Variants in CELF2 observed in about 807,000 individuals in gnomAD.
The protein encoded by CELF2 is CUGBP Elav-like family member 2.
A neutral mutation model predicts 62.6 loss-of-function variants in CELF2; 8 were observed. The ratio of observed to expected loss-of-function variants is 0.13; its 90% CI spans 0.07 to 0.23. CELF2 has a LOEUF of 0.23. CELF2 is among the 10% of genes least tolerant of loss of function. CELF2 has a pLI of 1.00. For synonymous variants in CELF2, 258 were observed against 250.0 expected (o/e 1.03, Z -0.30); for missense variants, 333 against 671.0 (o/e 0.50, Z 5.56).
chr10:11,319,956 T>G lies in CELF2; in HGVS notation c.1097-1233T>G. ...TGTTTCCAGGCAGCCTTACCTTAGC[T>G]GTCCTCCATTCTCATTAGACTTCTT... On this transcript the variant is annotated intron_variant, in intron 10 of 12. Transcript: ENST00000633077. This position sits in a 1 kb window ranked among gnomAD's most constrained non-coding sequence, Gnocchi z 4.4. 1 of 457,310 alleles carries G rather than the reference T, an allele frequency of 2.2e-6. No individual in the cohort carries two copies. Among genetic ancestry groups the G allele is most frequent in the Non-Finnish European group, 4.5e-6 (1 of 221,426 alleles). The allele number at this position is 457,310 out of a possible 1,614,324, so 28.3% of individuals were successfully genotyped here.
intron 1 of CELF2, among the ~76,000 whole-genome samples, chr10:11,077,180 A>T (rs2072257650): frequency 3.9e-5 from 6 of 152,224 alleles, no homozygotes; most frequent in Admixed American, 3.9e-4. Context: ...TATCATTATA[A>T]ATACCAGATT....
chr10:10,506,556 G>C, the CELF2 span, among the ~76,000 whole-genome samples: 1 of 151,672 alleles, frequency 6.6e-6, no homozygotes, highest in Non-Finnish European at 1.5e-5. Flanking sequence ...AAAGAGCAGA[G>C]GCTCTAGAAC....
chr10:11,298,764 T>C (rs1029253108), intron 9 of CELF2, among the ~76,000 whole-genome samples: 1 of 152,196 alleles, frequency 6.6e-6, no homozygotes, highest in Non-Finnish European at 1.5e-5. Flanking sequence ...TTAAGTATCA[T>C]ATATGGGAAA....
intron 3 of CELF2, among the ~76,000 whole-genome samples, chr10:11,238,763 T>C (rs1040460244): frequency 2.0e-5 from 3 of 152,212 alleles, no homozygotes; most frequent in Non-Finnish European, 4.4e-5. Flanking sequence ...AAGATTGCCA[T>C]TTTTTTGAGT....
chr10:10,494,197 C>G, the CELF2 span, among the ~76,000 whole-genome samples: 1 of 152,234 alleles, frequency 6.6e-6, no homozygotes, highest in South Asian at 2.1e-4. Context: ...AGGAATCACT[C>G]TCTCTCCAGT....
chr10:10,602,257 C>A, the CELF2 span, among the ~76,000 whole-genome samples: 2 of 152,080 alleles, frequency 1.3e-5, no homozygotes, highest in South Asian at 2.1e-4. Context: ...CAGCTGTACC[C>A]ACTGAGATAG....
chr10:10,857,049 A>G (rs2059757853), intron 1 of CELF2, among the ~76,000 whole-genome samples: 1 of 152,142 alleles, frequency 6.6e-6, no homozygotes, highest in Non-Finnish European at 1.5e-5. Flanking sequence ...CCTTCTGGAC[A>G]ACAGCAAAGG....
intron 9 of CELF2, among the ~76,000 whole-genome samples, chr10:11,293,504 G>C (rs750121632): frequency 1.5e-4 from 23 of 152,242 alleles, no homozygotes; most frequent in Non-Finnish European, 3.1e-4. Flanking sequence ...GGGCAGTGCA[G>C]AGGTTCCTGA....
chr10:10,922,010 A>G (rs1318754661), intron 2 of CELF2, among the ~76,000 whole-genome samples: 3 of 152,168 alleles, frequency 2.0e-5, no homozygotes, highest in Admixed American at 6.5e-5. Flanking sequence ...AGCACTGGAG[A>G]ACAGGGGAAA....
chr10:11,325,816 AC>A lies in CELF2; in HGVS notation c.1295-19del, dbSNP rs1305621479. 1.3e-6 allele frequency: 2 copies of A among 1,569,056 alleles called. No individual in the cohort carries two copies. The highest frequency in any genetic ancestry group is 1.7e-6 in the Non-Finnish European group (2 of 1,162,798). On this transcript the variant is annotated intron_variant, in intron 11 of 12. Coordinates refer to ENST00000633077, the MANE Select transcript of CELF2 (RefSeq NM_001326342.2). ...AAGACTCAAGGGATACCTTACTCTG[AC>A]TTTTTTTTTCCTCCTTAGGTCCAGA...
the CELF2 span, among the ~76,000 whole-genome samples, chr10:10,646,517 G>T: frequency 6.6e-6 from 1 of 152,122 alleles, no homozygotes; most frequent in Non-Finnish European, 1.5e-5. Flanking sequence ...CTGTTCCATT[G>T]CTACAACACT....
intron 4 of CELF2, among the ~76,000 whole-genome samples, chr10:11,252,195 A>G (rs572718749): frequency 1.1e-4 from 17 of 152,356 alleles, no homozygotes; most frequent in African/African-American, 3.8e-4. Context: ...GCGAGTGATA[A>G]AAGCCACAAG....
rs1238944073 is a variant in CELF2, at chr10:11,314,873, T to C, written c.1096+615T>C. Reference sequence around the variant, plus strand: ...CTGGCAGTGACATGATCAGAATCTTTATTAAGCACCCACAGGTATGGGTCA... The same window carrying C: ...CTGGCAGTGACATGATCAGAATCTTCATTAAGCACCCACAGGTATGGGTCA... On this transcript the variant is annotated intron_variant, in intron 10 of 12. Coordinates refer to ENST00000633077, the MANE Select transcript of CELF2 (RefSeq NM_001326342.2). This position sits in a 1 kb window ranked among gnomAD's most constrained non-coding sequence, Gnocchi z 5.3. 1 of 173,844 alleles carries C rather than the reference T, an allele frequency of 5.8e-6. No homozygotes were observed. Among genetic ancestry groups the C allele is most frequent in the Non-Finnish European group, 1.2e-5 (1 of 81,842 alleles). 10.8% of individuals were successfully genotyped at this position (173,844 alleles called of 1,614,324 possible). A position where few individuals can be genotyped will look rare whatever the true frequency, so the allele number is the denominator to read the frequency against.
the CELF2 span, among the ~76,000 whole-genome samples, chr10:10,678,719 G>A: frequency 6.6e-6 from 1 of 152,192 alleles, no homozygotes; most frequent in Non-Finnish European, 1.5e-5. Flanking sequence ...TAAGCACACA[G>A]CATTCCCAGA....
chr10:10,591,310 G>A, the CELF2 span, among the ~76,000 whole-genome samples: 1 of 152,222 alleles, frequency 6.6e-6, no homozygotes, highest in Admixed American at 6.5e-5. Context: ...GTGTAACAGT[G>A]TATCCACTCT....
the CELF2 span, among the ~76,000 whole-genome samples, chr10:10,466,658 C>T: frequency 6.6e-6 from 1 of 152,174 alleles, no homozygotes; most frequent in South Asian, 2.1e-4. Context: ...ACATTTGATA[C>T]TTTCTCCCGC....
At position 11,300,826 on chromosome 10, in the gene CELF2, C is replaced by T. The variant is rs1010463509; in HGVS notation, c.976+12274C>T. Among the ~76,000 whole-genome samples, 2 of 152,126 alleles carry T rather than the reference C, an allele frequency of 1.3e-5. No homozygotes were observed. The highest frequency in any genetic ancestry group is 2.9e-5 in the Non-Finnish European group (2 of 68,026). On this transcript the variant is annotated intron_variant, in intron 9 of 12. Coordinates refer to ENST00000633077, the MANE Select transcript of CELF2 (RefSeq NM_001326342.2). This position sits in a 1 kb window ranked among gnomAD's most constrained non-coding sequence, Gnocchi z 5.5. ...ATGTTTGGTCAATGCAGGCGATTTT[C>T]TCCGTGTTTACAATGATTTTATTTC...
rs902594757 is a variant in CELF2 at position 10,886,162 on chromosome 10, C to T, written c.54-33802C>T. On this transcript the variant is annotated intron_variant, in intron 1 of 13. Transcript: ENST00000636488. ...ATTCCTACCCTTCCCTCCTTCTTTC[C>T]TTCCTTTCTTCCTTCCTCTCTTTTT... Among the ~76,000 whole-genome samples, 5 of 151,922 alleles carry T rather than the reference C, an allele frequency of 3.3e-5. No individual in the cohort carries two copies. The South Asian group carries it at 1.0e-3, about 32-fold the overall frequency.
chr10:11,034,041 T>C (rs926304731), intron 1 of CELF2, among the ~76,000 whole-genome samples: 3 of 152,344 alleles, frequency 2.0e-5, no homozygotes, highest in Admixed American at 2.0e-4. Context: ...TCTCATATAA[T>C]GTGCTAGGTG....
Sources: gnomAD v4.1 joint callset for allele counts (sites outside exome capture counted in the v4.1 genomes callset) on GRCh38, gnomAD v4.1.1 for gene constraint, Gnocchi (gnomAD v3.1) non-coding constraint, MANE v1.5 for transcripts, NCBI Gene and HGNC (gene_info 2026-07-23, HGNC 2026-07-21) for gene names.